The following ZNF891 variants were observed in gnomAD, a reference collection of about 807,000 sequenced individuals.
The protein encoded by ZNF891 is hCG1646157.
For synonymous variants in ZNF891, 199 were observed against 209.0 expected, an observed-to-expected ratio of 0.95 and a Z score of 0.41; for missense variants, 589 against 632.7, an observed-to-expected ratio of 0.93 and a Z score of 0.74.
intron 1 of ZNF891, among the ~76,000 whole-genome samples, chr12:133,123,533 C>T (rs12367245): frequency 6.6e-6 from 1 of 152,022 alleles, no homozygotes; most frequent in African/African-American, 2.4e-5. Flanking sequence ...TGGTGGGACT[C>T]TGGGTCTCTA....
rs768146427 is a variant in ZNF891 at position 133,106,425 on chromosome 12, A to T, written c.*13859T>A. ...CATACGAAGAGTCACACTGGAGAGA[A>T]ACCCTATGCGTGTGCTGAATGTGAT... On this transcript the variant is annotated 3_prime_UTR_variant, in exon 2 of 2. Coordinates refer to ENST00000537226, the MANE Select transcript of ZNF891 (RefSeq NM_001277291.2). The T allele has an allele frequency of 6.2e-7, 1 of 1,614,134 alleles. No homozygotes were observed. Among genetic ancestry groups the T allele is most frequent in the South Asian group, 1.1e-5 (1 of 91,082 alleles).
At position 133,106,577 on chromosome 12, in the gene ZNF891, A is replaced by G. The variant is rs1955607269; in HGVS notation, c.*13707T>C. 6.2e-7 allele frequency: 1 copy of G among 1,613,632 alleles called. No individual in the cohort carries two copies. The highest frequency in any genetic ancestry group is 8.5e-7 in the Non-Finnish European group (1 of 1,179,956). On this transcript the variant is annotated 3_prime_UTR_variant, in exon 2 of 2. Coordinates refer to ENST00000537226, the MANE Select transcript of ZNF891 (RefSeq NM_001277291.2). ...CTCAAACCTTGCTAAACATCAGAGGACACACACTCTTGACAACCCCTATGA... is the reference window on the plus strand; with the variant it reads ...CTCAAACCTTGCTAAACATCAGAGGGCACACACTCTTGACAACCCCTATGA...
Position 133,123,940 on chromosome 12 carries a change from C to T in ZNF891, c.-106-1916G>A, listed in dbSNP as rs150931425. Among the ~76,000 whole-genome samples the T allele has an allele frequency of 1.7e-3, 257 of 152,078 alleles. 1 individual carries two copies. The highest frequency in any genetic ancestry group is 5.9e-3 in the African/African-American group (243 of 41,462). ...TAGGAAAAAATATTTGAATAAATGG[C>T]GAGATTCACTAGGTGAATCACCATG... On this transcript the variant is annotated intron_variant, in intron 1 of 1. Coordinates refer to ENST00000537226, the MANE Select transcript of ZNF891 (RefSeq NM_001277291.2).
rs1955734063 is a variant in ZNF891 at position 133,119,300 on chromosome 12, T to C, written c.*984A>G. On this transcript the variant is annotated 3_prime_UTR_variant, in exon 2 of 2. Transcript: ENST00000537226. ...GGCTCACGCCTGTAATGCCAACACT[T>C]TGGGACGCCTAGGTGGGTGGATCAC... The C allele has an allele frequency of 6.6e-6, 1 of 152,090 alleles. No homozygotes were observed. The highest frequency in any genetic ancestry group is 1.5e-5 in the Non-Finnish European group (1 of 68,030). The allele number at this position is 152,090 out of a possible 1,614,324, so 9.4% of individuals were successfully genotyped here.
At position 133,105,873 on chromosome 12, in the gene ZNF891, G is replaced by C. The variant is rs868801996; in HGVS notation, c.*14411C>G. On this transcript the variant is annotated 3_prime_UTR_variant, in exon 2 of 2. Coordinates refer to ENST00000537226, the MANE Select transcript of ZNF891 (RefSeq NM_001277291.2). Reference sequence around the variant, plus strand: ...TGTAAGGAATGTGGCAAAACCTTTAGCCAGATTTCAAACCTTGTGAAACAC... The same window carrying C: ...TGTAAGGAATGTGGCAAAACCTTTACCCAGATTTCAAACCTTGTGAAACAC... 1 of 1,614,116 alleles carries C rather than the reference G, an allele frequency of 6.2e-7. No homozygotes were observed. Among genetic ancestry groups the C allele is most frequent in the Middle Eastern group, 1.7e-4 (1 of 6,060 alleles).
Position 133,107,349 on chromosome 12 carries a change from T to G in ZNF891, c.*12935A>C, listed in dbSNP as rs574278553. On this transcript the variant is annotated 3_prime_UTR_variant, in exon 2 of 2. Coordinates refer to ENST00000537226, the MANE Select transcript of ZNF891 (RefSeq NM_001277291.2). ...TGGAATCTGTAGGAAACGGTTCTAT[T>G]TTGAGGGAAGGGGGATTCCTTTTTG... 22 of 152,342 alleles carry G rather than the reference T, an allele frequency of 1.4e-4. No homozygotes were observed. The South Asian group carries it at 4.6e-3, about 32-fold the overall frequency. 9.4% of individuals were successfully genotyped at this position (152,342 alleles called of 1,614,324 possible).
chr12:133,125,585 A>G, intron 1 of ZNF891: 2 of 220,914 alleles, frequency 9.1e-6, no homozygotes, highest in South Asian at 1.3e-4. Flanking sequence ...CACAGCAACA[A>G]AAAAAAAGAA....
rs1283032726 is a variant in ZNF891, at chr12:133,105,826, T to C, written c.*14458A>G. 46 of 1,614,100 alleles carry C rather than the reference T, an allele frequency of 2.8e-5. 1 individual carries two copies. In the Admixed American group the frequency reaches 7.7e-4, roughly 27 times the overall value. On this transcript the variant is annotated 3_prime_UTR_variant, in exon 2 of 2. Coordinates refer to ENST00000537226, the MANE Select transcript of ZNF891 (RefSeq NM_001277291.2). ...CCCTGGTGTTACACCAGAGGACTCA[T>C]ACTGGAGAGAAACCATATGCATGTA...
At chr12:133,127,157 G>A (rs1161530992) in intron 1 of ZNF891, among the ~76,000 whole-genome samples, 1 of 151,696 alleles carries the variant, frequency 6.6e-6, no homozygotes, top group African/African-American at 2.4e-5. Flanking sequence ...AGTAGAGATG[G>A]GGTTTCACCA....
chr12:133,124,754 TA>T (rs1566338149), intron 1 of ZNF891, among the ~76,000 whole-genome samples: 7 of 145,290 alleles, frequency 4.8e-5, no homozygotes, highest in Non-Finnish European at 1.1e-4. Flanking sequence ...AGGCCTTTTA[TA>T]TTGCTCTCAG....
Position 133,106,466 on chromosome 12 carries a change from A to G in ZNF891, c.*13818T>C. On this transcript the variant is annotated 3_prime_UTR_variant, in exon 2 of 2. Transcript: ENST00000537226. ...TGAATGTGATAAAGCCTTCAGCCGG[A>G]GCTTTTCCCTCATTCTACATCAGAG... The G allele has an allele frequency of 6.2e-7, 1 of 1,613,992 alleles. No individual in the cohort carries two copies.
chr12:133,129,385 C>T (rs1410127818), intron 1 of ZNF891, among the ~76,000 whole-genome samples: 2 of 151,554 alleles, frequency 1.3e-5, no homozygotes, highest in African/African-American at 4.9e-5. Flanking sequence ...TCTGTAATCC[C>T]GGCAACTCAC....
rs1197235605 is a variant in ZNF891, at chr12:133,120,141, A to G, written c.*143T>C. ...AAACAGCCATGGATCAAAAAAAGTC[A>G]TAATTAGTATTTACAGAAAATGTTA... On this transcript the variant is annotated 3_prime_UTR_variant, in exon 2 of 2. Coordinates refer to ENST00000537226, the MANE Select transcript of ZNF891 (RefSeq NM_001277291.2). 7 of 576,340 alleles carry G rather than the reference A, an allele frequency of 1.2e-5. No homozygotes were observed. Among genetic ancestry groups the G allele is most frequent in the African/African-American group, 1.2e-4 (5 of 42,970 alleles). The allele number at this position is 576,340 out of a possible 1,614,324, so 35.7% of individuals were successfully genotyped here.
In ZNF891 at chr12:133,107,965, T is replaced by TAA. The variant is rs1300115225; in HGVS notation, c.*12317_*12318dup. The TAA allele has an allele frequency of 1.3e-5, 2 of 152,226 alleles. No homozygotes were observed. Among genetic ancestry groups the TAA allele is most frequent in the African/African-American group, 4.8e-5 (2 of 41,456 alleles). 9.4% of individuals were successfully genotyped at this position (152,226 alleles called of 1,614,324 possible). A position where few individuals can be genotyped will look rare whatever the true frequency, so the allele number is the denominator to read the frequency against. ...GTAATTTTGTAAGAGGTGAAATTTA[T>TAA]AAAAGTTTTAGCCCAAAAACACCTT... On this transcript the variant is annotated 3_prime_UTR_variant, in exon 2 of 2. Transcript: ENST00000537226.
rs1048447429 is a variant in ZNF891 at position 133,114,672 on chromosome 12, T to C, written c.*5612A>G. On this transcript the variant is annotated 3_prime_UTR_variant, in exon 2 of 2. Coordinates refer to ENST00000537226, the MANE Select transcript of ZNF891 (RefSeq NM_001277291.2). ...GAGGGCACAATACACAAACAGGCAA[T>C]ACAGTGTGAAAGTGTGACAAGTATT... 4 of 152,110 alleles carry C rather than the reference T, an allele frequency of 2.6e-5. No individual in the cohort carries two copies. Among genetic ancestry groups the C allele is most frequent in the Non-Finnish European group, 5.9e-5 (4 of 68,040 alleles). 9.4% of individuals were successfully genotyped at this position (152,110 alleles called of 1,614,324 possible). A position where few individuals can be genotyped will look rare whatever the true frequency, so the allele number is the denominator to read the frequency against.
intron 1 of ZNF891, among the ~76,000 whole-genome samples, chr12:133,128,032 A>G (rs1160681076): frequency 6.6e-6 from 1 of 152,258 alleles, no homozygotes; most frequent in East Asian, 1.9e-4. Flanking sequence ...TGGGAGAACT[A>G]CATTATAATA....
chr12:133,123,690 G>A (rs551044784), intron 1 of ZNF891, among the ~76,000 whole-genome samples: 36 of 150,930 alleles, frequency 2.4e-4, no homozygotes, highest in Admixed American at 2.0e-4. Context: ...CCTGGGCAAC[G>A]GAGTGAAATC....
rs2137588227 is a variant in ZNF891, at chr12:133,105,196, G to C, written c.*15088C>G. Among the ~76,000 whole-genome samples the C allele has an allele frequency of 6.6e-6, 1 of 152,276 alleles. No individual in the cohort carries two copies. Among genetic ancestry groups the C allele is most frequent in the Admixed American group, 6.5e-5 (1 of 15,298 alleles). ...GAAATTGCCATTTTTAGATAATTCTGGCAGTAAATACCGTTTAAATGGTGG... is the reference window on the plus strand; with the variant it reads ...GAAATTGCCATTTTTAGATAATTCTCGCAGTAAATACCGTTTAAATGGTGG... On this transcript the variant is annotated 3_prime_UTR_variant, in exon 2 of 2. Coordinates refer to ENST00000537226, the MANE Select transcript of ZNF891 (RefSeq NM_001277291.2).
In ZNF891 at chr12:133,121,167, T is replaced by C; in HGVS notation, c.752A>G (p.Asp251Gly). 6.5e-7 allele frequency: 1 copy of C among 1,535,490 alleles called. No homozygotes were observed. The highest frequency in any genetic ancestry group is 2.4e-5 in the East Asian group (1 of 40,898). The change falls in exon 2 of 2, where the codon GAT becomes GGT. Residue 251 changes from aspartate to glycine, a missense_variant. By Grantham distance (94) the Asp-to-Gly change is moderately conservative (BLOSUM62 -1). Transcript: ENST00000537226. The part of the protein sequence containing the change: ...SEKLYESHEC[D>G]TTLWHFQRNQ... ...TCTCTGAAAATGCCATAGAGTTGTA[T>C]CACATTCATGACTTTCATAGAGCTT...
Sources: gnomAD v4.1 joint callset for allele counts (sites outside exome capture counted in the v4.1 genomes callset) on GRCh38, gnomAD v4.1.1 for gene constraint, MANE v1.5 for transcripts, NCBI Gene and HGNC (gene_info 2026-07-23, HGNC 2026-07-21) for gene names.